KSR1: variants seen among roughly 807,000 people sequenced by gnomAD.
KSR1 encodes kinase suppressor of ras.
Under a neutral mutation model 92.9 loss-of-function variants are expected in KSR1, and 35 were observed. That is an observed-to-expected ratio of 0.38 (90% confidence interval 0.29 to 0.50). The LOEUF (loss-of-function observed/expected upper bound fraction) is 0.50. KSR1 is among the 20% of genes least tolerant of loss of function. The pLI, the probability that KSR1 is intolerant of heterozygous loss-of-function variation, is 0.94. For missense variants in KSR1, 972 were observed against 1,158.5 expected (o/e 0.84, Z 2.34); for synonymous variants, 467 against 472.6 (o/e 0.99, Z 0.15).
At chr17:27,549,091 G>T (rs1229698773) in intron 1 of KSR1, among the ~76,000 whole-genome samples, 4 of 152,156 alleles carry the variant, frequency 2.6e-5, no homozygotes, top group Admixed American at 6.5e-5. Flanking sequence ...TCGGATTTTG[G>T]GTTTTTGGAT....
chr17:27,572,474 GGACTCCCAGCCGGGTTCTCCA>G (rs2072348661), intron 2 of KSR1, among the ~76,000 whole-genome samples: 1 of 152,202 alleles, frequency 6.6e-6, no homozygotes, highest in Non-Finnish European at 1.5e-5. Context: ...GAGGCAGTAC[GGACTCCCAGCCGGGTTCTCCA>G]GAACTTTGGG....
rs954731208 is a variant in KSR1, at chr17:27,475,452, G to A, written c.231+18578G>A. On this transcript the variant is annotated intron_variant, in intron 1 of 20. Transcript: ENST00000644974. ...TTACAGAAAGTCACTTTCTGACTGC[G>A]TGGGCAGGTGACAGAGCGCTGGCCC... Among the ~76,000 whole-genome samples the A allele has an allele frequency of 2.6e-5, 4 of 152,318 alleles. No homozygotes were observed. The East Asian group carries it at 7.7e-4, about 29-fold the overall frequency.
intron 1 of KSR1, among the ~76,000 whole-genome samples, chr17:27,492,632 CT>C (rs2068864249): frequency 6.6e-6 from 1 of 152,180 alleles, no homozygotes; most frequent in South Asian, 2.1e-4. Context: ...TAATATGCCC[CT>C]ACTTGCTGTT....
chr17:27,515,099 G>A (rs1268193085), intron 1 of KSR1, among the ~76,000 whole-genome samples: 1 of 152,188 alleles, frequency 6.6e-6, no homozygotes, highest in Non-Finnish European at 1.5e-5. Context: ...GCTAACAGCA[G>A]GTGCCATGAT....
intron 17 of KSR1, 183 bp from the exon 18 acceptor site, chr17:27,611,311 G>A (rs1190238521): frequency 1.2e-5 from 8 of 662,116 alleles, no homozygotes; most frequent in South Asian, 3.9e-5. Context: ...AGAGCACAGG[G>A]CCCAGGTCCT....
At chr17:27,473,652 T>A (rs2020144180) in intron 1 of KSR1, among the ~76,000 whole-genome samples, 1 of 152,080 alleles carries the variant, frequency 6.6e-6, no homozygotes, top group Non-Finnish European at 1.5e-5. Context: ...TGCTTGGGTG[T>A]GATGGTGATA....
chr17:27,552,046 G>A (rs2071415400), intron 2 of KSR1, among the ~76,000 whole-genome samples: 1 of 152,124 alleles, frequency 6.6e-6, no homozygotes, highest in Non-Finnish European at 1.5e-5. Flanking sequence ...CCACTTCCCT[G>A]GAGTGCTCTG....
At position 27,609,358 on chromosome 17, in the gene KSR1, T is replaced by A. The variant is rs116698270; in HGVS notation, c.2225+29T>A. On this transcript the variant is annotated intron_variant, in intron 16 of 20. Coordinates refer to ENST00000644974, the MANE Select transcript of KSR1 (RefSeq NM_001394583.1). ...AGTTGGTCTTGAGTGTCTGGGTGGGTTGTGGGTGCTGGATGGGGAAGAGCA... is the reference window on the plus strand; with the variant it reads ...AGTTGGTCTTGAGTGTCTGGGTGGGATGTGGGTGCTGGATGGGGAAGAGCA... 1,372 of 1,612,262 alleles carry A rather than the reference T, an allele frequency of 8.5e-4. 6 individuals are homozygous for A. The African/African-American group carries it at 0.014, about 17-fold the overall frequency.
At chr17:27,614,113 A>G (rs1035870907) in intron 18 of KSR1, among the ~76,000 whole-genome samples, 3 of 152,240 alleles carry the variant, frequency 2.0e-5, no homozygotes, top group African/African-American at 7.2e-5. Flanking sequence ...AGTCTTTTAA[A>G]AAAATATTTA....
At chr17:27,605,349 A>T in intron 13 of KSR1, 85 bp from the exon 14 acceptor site, 1 of 1,498,744 alleles carries the variant, frequency 6.7e-7, no homozygotes, top group South Asian at 1.3e-5. Context: ...CTCCCCTGTT[A>T]CCTGGCTAGG....
chr17:27,607,775 G>C, intron 14 of KSR1, 139 bp from the exon 15 acceptor site: 1 of 657,024 alleles, frequency 1.5e-6, no homozygotes, highest in Non-Finnish European at 2.7e-6. Context: ...CTGGGTTAAA[G>C]AAGATTTGGC....
intron 2 of KSR1, among the ~76,000 whole-genome samples, chr17:27,553,454 C>T (rs2071474602): frequency 6.6e-6 from 1 of 152,194 alleles, no homozygotes; most frequent in African/African-American, 2.4e-5. Flanking sequence ...ACCAGCCTGA[C>T]AGAGCTGGGC....
At chr17:27,590,503 A>C (rs1031709317) in intron 6 of KSR1, among the ~76,000 whole-genome samples, 1 of 152,230 alleles carries the variant, frequency 6.6e-6, no homozygotes, top group Non-Finnish European at 1.5e-5. Flanking sequence ...ATTCCTAAGA[A>C]TTCCTAAGAA....
intron 15 of KSR1, 39 bp downstream of exon 15, chr17:27,608,049 C>A: frequency 6.9e-7 from 1 of 1,454,836 alleles, no homozygotes; most frequent in Non-Finnish European, 9.5e-7. Context: ...GGTTTCTGGC[C>A]GGTTCCAGGG....
chr17:27,521,175 C>T (rs1195864468), intron 1 of KSR1, among the ~76,000 whole-genome samples: 1 of 152,082 alleles, frequency 6.6e-6, no homozygotes, highest in Middle Eastern at 3.4e-3. Flanking sequence ...GGGAACTGGC[C>T]CAGGCATCTC....
intron 1 of KSR1, among the ~76,000 whole-genome samples, chr17:27,498,549 G>A (rs2069072644): frequency 6.6e-6 from 1 of 152,128 alleles, no homozygotes. Flanking sequence ...GCATTGCTTG[G>A]GGAAGCTTAT....
At chr17:27,603,988 C>A in intron 12 of KSR1, 100 bp downstream of exon 12, 4 of 1,211,722 alleles carry the variant, frequency 3.3e-6, no homozygotes, top group Non-Finnish European at 4.8e-6. Context: ...CCATCTCCAG[C>A]CAGCCAGATG....
rs73983440 is a variant in KSR1 at position 27,478,491 on chromosome 17, G to T, written c.231+21617G>T. ...GTCACCACATTGGTCATGAGATGTT[G>T]TGAGGATTAAATGAATATGGTAGGT... On this transcript the variant is annotated intron_variant, in intron 1 of 20. Coordinates refer to ENST00000644974, the MANE Select transcript of KSR1 (RefSeq NM_001394583.1). Among the ~76,000 whole-genome samples the T allele has an allele frequency of 9.7e-3, 1,481 of 152,312 alleles. 20 individuals carry two copies. The highest frequency in any genetic ancestry group is 0.033 in the African/African-American group (1,377 of 41,556).
chr17:27,605,337 C>T, intron 13 of KSR1, 97 bp from the exon 14 acceptor site: 1 of 1,475,546 alleles, frequency 6.8e-7, no homozygotes, highest in Non-Finnish European at 9.0e-7. Context: ...CAGGATGCCT[C>T]TCTCCCCTGT....
Sources: allele counts gnomAD v4.1 joint callset (sites outside exome capture counted in the v4.1 genomes callset), GRCh38; gene constraint gnomAD v4.1.1; transcripts MANE v1.5; gene names NCBI Gene and HGNC (gene_info 2026-07-23, HGNC 2026-07-21).